SH3TC1: variants seen among roughly 807,000 people sequenced by gnomAD.
SH3TC1 encodes SH3 domain and tetratricopeptide repeat-containing protein 1.
In SH3TC1, 135 loss-of-function variants were observed where a neutral mutation model predicts 117.3. The ratio of observed to expected loss-of-function variants is 1.15; its 90% CI spans 1.00 to 1.33. The LOEUF is 1.33. SH3TC1 is among the 40% of genes most tolerant of loss of function. The probability of loss-of-function intolerance (pLI) is 0.00; values close to 1 mark genes in which losing one functional copy is unlikely to be tolerated. For synonymous variants in SH3TC1, 898 were observed against 816.9 expected, an observed-to-expected ratio of 1.10 and a Z score of -1.69; for missense variants, 2,092 against 1,794.3, an observed-to-expected ratio of 1.17 and a Z score of -3.00.
intron 13 of SH3TC1, 32 bp from the exon 14 acceptor site, chr4:8,233,330 AG>A: frequency 6.4e-7 from 1 of 1,574,236 alleles, no homozygotes; most frequent in Middle Eastern, 1.7e-4. Flanking sequence ...GGAGGATGAC[AG>A]CCCTTGTTCT....
At chr4:8,230,782 GCTT>G (rs758992856) in intron 12 of SH3TC1, among the ~76,000 whole-genome samples, 1 of 79,228 alleles carries the variant, frequency 1.3e-5, no homozygotes. Flanking sequence ...GATATGCTGT[GCTT>G]TTTTTTTTTT....
chr4:8,235,991 C>T (rs771200205), intron 15 of SH3TC1: 14 of 462,856 alleles, frequency 3.0e-5, no homozygotes, highest in South Asian at 1.1e-4. Flanking sequence ...AGATAAATGT[C>T]GTGTTTTTAG....
At chr4:8,191,355 A>G (rs759603445) in intron 1 of SH3TC1, among the ~76,000 whole-genome samples, 1 of 152,128 alleles carries the variant, frequency 6.6e-6, no homozygotes, top group Non-Finnish European at 1.5e-5. Context: ...ACTGCTGACC[A>G]CTTCCTGCAG....
In SH3TC1 at chr4:8,186,397, G is replaced by T. The variant is rs1020185531; in HGVS notation, c.-57+4187G>T. On this transcript the variant is annotated intron_variant, in intron 1 of 16. Coordinates refer to the SH3TC1 transcript ENST00000508641. The surrounding 1 kb of genome is among the most constrained non-coding windows in gnomAD (Gnocchi z 5.2). Reference sequence around the variant, plus strand: ...AAAAGACGAGGTGATGAAACCAGACGTGGTGTCCCCCATGGGCTTCTGCGT... The same window carrying T: ...AAAAGACGAGGTGATGAAACCAGACTTGGTGTCCCCCATGGGCTTCTGCGT... Among the ~76,000 whole-genome samples the T allele has an allele frequency of 2.0e-5, 3 of 152,206 alleles. No individual in the cohort carries two copies. The highest frequency in any genetic ancestry group is 4.4e-5 in the Non-Finnish European group (3 of 68,044).
chr4:8,219,321 G>A lies in SH3TC1; in HGVS notation c.917-14G>A, dbSNP rs201754307. 7.8e-4 allele frequency: 1,217 copies of A among 1,567,306 alleles called. 9 individuals are homozygous for A. The highest frequency in any genetic ancestry group is 5.6e-3 in the South Asian group (474 of 84,932). On this transcript the variant is annotated splice_polypyrimidine_tract_variant and intron_variant, in intron 8 of 17. Coordinates refer to ENST00000245105, the MANE Select transcript of SH3TC1 (RefSeq NM_018986.5). ...TGGTCTCCCTGGCACTCACCATGTG[G>A]CTTTCTTCCGCAGCTGTGGGCCTGG... is the stretch of plus-strand genomic sequence containing the variant.
At chr4:8,230,567 T>C (rs760320841) in intron 12 of SH3TC1, among the ~76,000 whole-genome samples, 2 of 152,218 alleles carry the variant, frequency 1.3e-5, no homozygotes, top group Non-Finnish European at 2.9e-5. Context: ...TTCCATTCTC[T>C]GTATTTTTAC....
chr4:8,198,805 G>T (rs1717647411), upstream of SH3TC1, among the ~76,000 whole-genome samples: 1 of 152,248 alleles, frequency 6.6e-6, no homozygotes, highest in Non-Finnish European at 1.5e-5. Context: ...AATTGCACGT[G>T]AGCGTTTGTG....
chr4:8,229,713 G>T (rs1720952052), intron 12 of SH3TC1, among the ~76,000 whole-genome samples: 1 of 151,958 alleles, frequency 6.6e-6, no homozygotes, highest in African/African-American at 2.4e-5. Flanking sequence ...AGGAGTGGGG[G>T]GGTTCAGACC....
rs545979329 is a variant in SH3TC1, at chr4:8,240,952, C to A, written c.4008C>A (p.Arg1336=). 5.0e-6 allele frequency: 8 copies of A among 1,609,176 alleles called. No individual in the cohort carries two copies. In the Admixed American group the frequency reaches 6.7e-5, roughly 13 times the overall value. Residue 1336 remains arginine, a synonymous_variant, in exon 18 of 18, where the codon CGC becomes CGA. Transcript: ENST00000245105. ...WAPWLAPSHP[R] ...CCTGGTTGGCCCCCAGCCACCCTCGCTGAGGACAGCATCCAAGGGAGTGGG... is the reference window on the plus strand; with the variant it reads ...CCTGGTTGGCCCCCAGCCACCCTCGATGAGGACAGCATCCAAGGGAGTGGG...
intron 5 of SH3TC1, 98 bp downstream of exon 5, chr4:8,214,678 AT>A: frequency 1.1e-6 from 1 of 915,738 alleles, no homozygotes. Context: ...TGCTTTGTTT[AT>A]TTATTTATTG....
rs1369742682 is a variant in SH3TC1 at position 8,216,263 on chromosome 4, C to G, written c.628+6C>G. On this transcript the variant is annotated splice_donor_region_variant and intron_variant, in intron 6 of 17. Coordinates refer to ENST00000245105, the MANE Select transcript of SH3TC1 (RefSeq NM_018986.5). ...GAGCCTCCTCATCCAAGAAGGTGAG[C>G]GTTGCATGGGGTGATGGCCGAGATC... is the stretch of plus-strand genomic sequence containing the variant. The G allele has an allele frequency of 6.2e-7, 1 of 1,612,144 alleles. No homozygotes were observed. The highest frequency in any genetic ancestry group is 8.5e-7 in the Non-Finnish European group (1 of 1,179,332).
rs1043888872 is a variant in SH3TC1, at chr4:8,183,436, C to A, written c.-57+1226C>A. ...TCACTCCCTGTACAGTAGAGGGAGG[C>A]GTGGCCCAGGGAGGCTCCCGGGCTG... On this transcript the variant is annotated intron_variant, in intron 1 of 16. Coordinates refer to the SH3TC1 transcript ENST00000508641. The surrounding 1 kb of genome is among the most constrained non-coding windows in gnomAD (Gnocchi z 5.4). Among the ~76,000 whole-genome samples, 1 of 152,162 alleles carries A rather than the reference C, an allele frequency of 6.6e-6. No homozygotes were observed. The highest frequency in any genetic ancestry group is 2.4e-5 in the African/African-American group (1 of 41,446).
Position 8,235,416 on chromosome 4 carries a change from C to T in SH3TC1, c.3283-17C>T. 1.4e-6 allele frequency: 2 copies of T among 1,477,856 alleles called. No individual in the cohort carries two copies. Among genetic ancestry groups the T allele is most frequent in the Non-Finnish European group, 1.8e-6 (2 of 1,106,108 alleles). The allele number at this position is 1,477,856 out of a possible 1,614,324, so 91.5% of individuals were successfully genotyped here. ...TCACCAGGTGTGGGTCTTGAGGGAA[C>T]TTCTGCCTCCTTTCAGGTGGCACAG... On this transcript the variant is annotated splice_polypyrimidine_tract_variant and intron_variant, in intron 14 of 17. Coordinates refer to ENST00000245105, the MANE Select transcript of SH3TC1 (RefSeq NM_018986.5).
Position 8,212,776 on chromosome 4 carries a change from G to T in SH3TC1, c.323G>T (p.Gly108Val). 1.9e-6 allele frequency: 3 copies of T among 1,610,578 alleles called. No homozygotes were observed. The highest frequency in any genetic ancestry group is 2.5e-6 in the Non-Finnish European group (3 of 1,178,996). Residue 108 changes from glycine (G) to valine (V), a missense_variant, in exon 4 of 18, where the codon GGC (glycine) becomes GTC (valine). Gly to Val is a moderately radical substitution (Grantham distance 109). Transcript: ENST00000245105. ...CCCGGCCTACAGCAGACCCTCCGGG[G>T]CCAGCTCCGCCTGCTGGAGAATGAT... ...RDPGLQQTLR[G>V]QLRLLENDSR...
At chr4:8,194,201 G>A (rs993608754) in intron 1 of SH3TC1, among the ~76,000 whole-genome samples, 7 of 152,262 alleles carry the variant, frequency 4.6e-5, no homozygotes, top group South Asian at 2.1e-4. Context: ...TGGTGGTGGC[G>A]CTAAAAAGCC....
intron 3 of SH3TC1, among the ~76,000 whole-genome samples, chr4:8,211,157 C>G (rs1156720669): frequency 6.1e-5 from 6 of 98,568 alleles, no homozygotes; most frequent in Admixed American, 2.1e-4. Context: ...CCTCTCCCCC[C>G]ACCTGTTTTC....
chr4:8,228,165 T>C lies in SH3TC1; in HGVS notation c.2471T>C (p.Ile824Thr), dbSNP rs1720734572. 6.2e-7 allele frequency: 1 copy of C among 1,611,900 alleles called. No homozygotes were observed. Among genetic ancestry groups the C allele is most frequent in the Admixed American group, 1.7e-5 (1 of 59,946 alleles). The stretch of plus-strand genomic sequence containing the variant: ...AGTGCTATTGCCGGAGTCCGTGCCA[T>C]CGTGGACCACCTGGTGGCCCTGGCC... Reference protein sequence around the residue: ...EASAIAGVRAIVDHLVALAWL... With the variant: ...EASAIAGVRATVDHLVALAWL... Residue 824 changes from isoleucine to threonine, a missense_variant, in exon 12 of 18, where the codon ATC becomes ACC. Coordinates refer to ENST00000245105, the MANE Select transcript of SH3TC1 (RefSeq NM_018986.5).
intron 1 of SH3TC1, among the ~76,000 whole-genome samples, chr4:8,204,584 G>A (rs1718046423): frequency 1.3e-5 from 2 of 152,210 alleles, no homozygotes; most frequent in African/African-American, 4.8e-5. Context: ...CTATGTGCTT[G>A]CCATCCTCCT....
chr4:8,187,193 A>G (rs1330690149), intron 1 of SH3TC1, among the ~76,000 whole-genome samples: 1 of 152,170 alleles, frequency 6.6e-6, no homozygotes, highest in African/African-American at 2.4e-5. Context: ...CGTGTTTCTC[A>G]TATTAGACAG....
Sources: allele counts gnomAD v4.1 joint callset (sites outside exome capture counted in the v4.1 genomes callset), GRCh38; gene constraint gnomAD v4.1.1; non-coding constraint Gnocchi (gnomAD v3.1); transcripts MANE v1.5; gene names NCBI Gene and HGNC (gene_info 2026-07-23, HGNC 2026-07-21).